The following SMG6 variants were observed in gnomAD, a reference collection of about 807,000 sequenced individuals.
The protein encoded by SMG6 is SMG6 nonsense mediated mRNA decay factor, also known as telomerase-binding protein EST1A.
Under a neutral mutation model 142.2 loss-of-function variants are expected in SMG6, and 66 were observed. The ratio of observed to expected loss-of-function variants is 0.46; its 90% CI spans 0.38 to 0.57. SMG6 has a LOEUF of 0.57. Among genes scored for constraint, SMG6 ranks in the 20% least tolerant of loss-of-function variants. The pLI is 0.00. For synonymous variants in SMG6, 779 were observed against 702.4 expected (o/e 1.11, Z -1.72); for missense variants, 1,793 against 1,832.0 (o/e 0.98, Z 0.39).
intron 10 of SMG6, among the ~76,000 whole-genome samples, chr17:2,190,018 A>C (rs1036284071): frequency 5.3e-5 from 8 of 152,164 alleles, no homozygotes; most frequent in African/African-American, 1.9e-4. Context: ...TAAGGCCCTA[A>C]ACCTCTGTTA....
At chr17:2,173,558 C>G (rs2071569252) in intron 12 of SMG6, among the ~76,000 whole-genome samples, 1 of 152,184 alleles carries the variant, frequency 6.6e-6, no homozygotes. Context: ...GGGTGATCAA[C>G]TATTCCGGTT....
intron 8 of SMG6, among the ~76,000 whole-genome samples, chr17:2,246,842 A>G (rs1331655290): frequency 6.6e-6 from 1 of 152,064 alleles, no homozygotes; most frequent in Non-Finnish European, 1.5e-5. Context: ...GCTACTTGGG[A>G]GGCTGAGGCA....
chr17:2,066,368 GTCTC>G (rs1416406873), intron 16 of SMG6, among the ~76,000 whole-genome samples: 3 of 90,970 alleles, frequency 3.3e-5, no homozygotes, highest in African/African-American at 5.3e-5. Flanking sequence ...GTGTGTATAT[GTCTC>G]TGTGTGTGTG....
intron 13 of SMG6, among the ~76,000 whole-genome samples, chr17:2,159,875 T>G (rs2151621964): frequency 6.6e-6 from 1 of 152,334 alleles, no homozygotes; most frequent in African/African-American, 2.4e-5. Context: ...TGGATGAATC[T>G]CAGACGTTAT....
At chr17:2,121,548 TACAC>T (rs60301937) in intron 13 of SMG6, among the ~76,000 whole-genome samples, 17 of 148,676 alleles carry the variant, frequency 1.1e-4, no homozygotes, top group Admixed American at 6.7e-4. Context: ...TATTTATATA[TACAC>T]ACACACACAT....
chr17:2,285,593 C>A (rs762024856), intron 6 of SMG6, among the ~76,000 whole-genome samples: 4 of 152,082 alleles, frequency 2.6e-5, no homozygotes, highest in Non-Finnish European at 5.9e-5. Flanking sequence ...AATCCCAGCA[C>A]TTTAGGAGGC....
chr17:2,247,961 C>A (rs908019537), intron 8 of SMG6, among the ~76,000 whole-genome samples: 1 of 151,600 alleles, frequency 6.6e-6, no homozygotes, highest in Non-Finnish European at 1.5e-5. Context: ...AACGAAACAG[C>A]CAGGCGTGGT....
At chr17:2,128,813 G>C (rs1329801988) in intron 13 of SMG6, among the ~76,000 whole-genome samples, 1 of 51,214 alleles carries the variant, frequency 2.0e-5, no homozygotes, top group Non-Finnish European at 3.3e-5. Flanking sequence ...GACAGAGCAA[G>C]ACTCAAAAAA....
At chr17:2,145,139 C>T (rs1243724292) in intron 13 of SMG6, among the ~76,000 whole-genome samples, 1 of 152,092 alleles carries the variant, frequency 6.6e-6, no homozygotes, top group Non-Finnish European at 1.5e-5. Flanking sequence ...GAGACAGTCT[C>T]TCTCTGTCGC....
chr17:2,213,437 C>T (rs2072922017), intron 10 of SMG6, among the ~76,000 whole-genome samples: 1 of 152,180 alleles, frequency 6.6e-6, no homozygotes, highest in South Asian at 2.1e-4. Flanking sequence ...GATGCCGCAG[C>T]CAGCTTCAAA....
intron 13 of SMG6, among the ~76,000 whole-genome samples, chr17:2,142,133 G>C (rs1305109478): frequency 3.3e-5 from 5 of 152,006 alleles, no homozygotes; most frequent in Non-Finnish European, 7.4e-5. Context: ...CCAAGTGGCT[G>C]GGAATACAGG....
chr17:2,119,678 T>C (rs1337269350), intron 13 of SMG6, among the ~76,000 whole-genome samples: 1 of 152,054 alleles, frequency 6.6e-6, no homozygotes, highest in East Asian at 1.9e-4. Context: ...TTATTTTTTT[T>C]TGAGACGGAG....
intron 13 of SMG6, among the ~76,000 whole-genome samples, chr17:2,093,772 G>A (rs975758982): frequency 3.3e-5 from 5 of 151,624 alleles, no homozygotes; most frequent in Admixed American, 6.6e-5. Flanking sequence ...AGCTCAAGCG[G>A]GAAGCTGGCT....
chr17:2,288,529 G>A lies in SMG6; in HGVS notation c.2337+4023C>T, dbSNP rs2074957548. Among the ~76,000 whole-genome samples the A allele has an allele frequency of 2.6e-5, 4 of 151,322 alleles. No individual in the cohort carries two copies. The South Asian group carries it at 8.3e-4, about 31-fold the overall frequency. On this transcript the variant is annotated intron_variant, in intron 6 of 18. Transcript: ENST00000263073. ...CCCAGCTACTTGGGAGGCTGGGGTA[G>A]GAGGATCACTTGAGCCTGGGAGGCA...
At chr17:2,111,465 A>G (rs2069315488) in intron 13 of SMG6, among the ~76,000 whole-genome samples, 1 of 152,136 alleles carries the variant, frequency 6.6e-6, no homozygotes, top group Non-Finnish European at 1.5e-5. Context: ...AGGCTGCAGT[A>G]CAGTGGTGTG....
intron 14 of SMG6, among the ~76,000 whole-genome samples, chr17:2,084,175 G>C (rs1399699539): frequency 6.6e-6 from 1 of 152,206 alleles, no homozygotes; most frequent in Non-Finnish European, 1.5e-5. Flanking sequence ...GCAAGCCTGG[G>C]AGCTAACCTG....
intron 18 of SMG6, chr17:2,062,396 C>T (rs1165487289): frequency 6.6e-6 from 1 of 152,190 alleles, no homozygotes; most frequent in Non-Finnish European, 1.5e-5. Context: ...GGACATATAA[C>T]CTTTTTTTCC....
At chr17:2,246,359 G>A (rs1597699487) in intron 8 of SMG6, among the ~76,000 whole-genome samples, 1 of 152,178 alleles carries the variant, frequency 6.6e-6, no homozygotes, top group East Asian at 1.9e-4. Flanking sequence ...CAGTATCGCT[G>A]GGCAGTCTGC....
chr17:2,276,718 T>C (rs1039217868), intron 8 of SMG6, among the ~76,000 whole-genome samples: 3 of 152,070 alleles, frequency 2.0e-5, no homozygotes, highest in African/African-American at 7.2e-5. Flanking sequence ...ACCCTCCTTC[T>C]ACCACTTCAC....
Sources: allele counts gnomAD v4.1 joint callset (sites outside exome capture counted in the v4.1 genomes callset), GRCh38; gene constraint gnomAD v4.1.1; transcripts MANE v1.5; gene names NCBI Gene and HGNC (gene_info 2026-07-23, HGNC 2026-07-21).